Variants in ERBB4 observed in about 807,000 individuals in gnomAD.
The protein encoded by ERBB4 is receptor tyrosine-protein kinase erbB-4.
A neutral mutation model predicts 158.0 loss-of-function variants in ERBB4; 42 were observed. The observed-to-expected ratio is 0.27, with a 90% CI of 0.21 to 0.34. The LOEUF is 0.34. Among genes scored for constraint, ERBB4 ranks in the 10% least tolerant of loss-of-function variants. ERBB4 has a pLI of 1.00. For synonymous variants in ERBB4, 583 were observed against 558.7 expected, an observed-to-expected ratio of 1.04 and a Z score of -0.61; for missense variants, 1,333 against 1,624.1, an observed-to-expected ratio of 0.82 and a Z score of 3.08.
chr2:212,413,068 C>T (rs981544552), intron 1 of ERBB4, among the ~76,000 whole-genome samples: 4 of 151,356 alleles, frequency 2.6e-5, no homozygotes, highest in East Asian at 1.9e-4. Flanking sequence ...CCTAGGATCA[C>T]GCAATTCTCC....
chr2:211,969,818 T>G (rs1010537867), intron 2 of ERBB4, among the ~76,000 whole-genome samples: 34 of 152,184 alleles, frequency 2.2e-4, no homozygotes, highest in African/African-American at 7.9e-4. Flanking sequence ...GTGGTCTATT[T>G]ATTAATTTTT....
At chr2:212,068,097 T>A (rs1175726950) in intron 2 of ERBB4, among the ~76,000 whole-genome samples, 1 of 152,052 alleles carries the variant, frequency 6.6e-6, no homozygotes, top group Non-Finnish European at 1.5e-5. Flanking sequence ...TCCAAACTCT[T>A]AGTATTATTC....
chr2:211,747,390 T>C (rs751512040), intron 5 of ERBB4, among the ~76,000 whole-genome samples: 6 of 151,956 alleles, frequency 3.9e-5, no homozygotes, highest in Non-Finnish European at 8.8e-5. Flanking sequence ...ATCAAATGTC[T>C]CCTGTGGGGC....
intron 2 of ERBB4, among the ~76,000 whole-genome samples, chr2:212,042,714 T>C (rs913607416): frequency 6.6e-6 from 1 of 152,132 alleles, no homozygotes; most frequent in African/African-American, 2.4e-5. Context: ...GTTAAAGACT[T>C]ACTTTAGTTC....
chr2:212,056,068 T>C (rs563314274), intron 2 of ERBB4, among the ~76,000 whole-genome samples: 41 of 152,262 alleles, frequency 2.7e-4, no homozygotes, highest in African/African-American at 8.4e-4. Context: ...ATAACCAATG[T>C]AGAGAAGTCC....
chr2:212,186,693 G>T (rs1266996109), intron 1 of ERBB4, among the ~76,000 whole-genome samples: 1 of 152,032 alleles, frequency 6.6e-6, no homozygotes. Flanking sequence ...AATGAAACAG[G>T]GATCAGAATG....
intron 1 of ERBB4, among the ~76,000 whole-genome samples, chr2:212,191,702 CGTGTT>C (rs1559703248): frequency 7.9e-5 from 3 of 38,198 alleles, no homozygotes; most frequent in African/African-American, 2.2e-4. Context: ...ACATATAACA[CGTGTT>C]ATACATGTTA....
intron 1 of ERBB4, among the ~76,000 whole-genome samples, chr2:212,145,986 G>C (rs534045246): frequency 1.3e-5 from 2 of 152,068 alleles, no homozygotes; most frequent in Non-Finnish European, 2.9e-5. Flanking sequence ...AGGGCCCAAA[G>C]GGGATAGTCT....
chr2:211,667,387 T>A (rs1296488458), intron 14 of ERBB4, among the ~76,000 whole-genome samples: 1 of 148,906 alleles, frequency 6.7e-6, no homozygotes, highest in Admixed American at 6.8e-5. Context: ...CTGAGACTGG[T>A]GGGGCTCAAT....
intron 20 of ERBB4, among the ~76,000 whole-genome samples, chr2:211,449,100 C>T (rs997947521): frequency 6.6e-6 from 1 of 152,060 alleles, no homozygotes; most frequent in African/African-American, 2.4e-5. Context: ...GTACCTCCTA[C>T]AAGAAGCTTG....
chr2:212,144,792 G>T (rs1259648854), intron 1 of ERBB4, among the ~76,000 whole-genome samples: 2 of 152,136 alleles, frequency 1.3e-5, no homozygotes, highest in African/African-American at 2.4e-5. Flanking sequence ...GTATTACAGA[G>T]ATTTGTACAT....
At chr2:211,670,562 A>G (rs1227354670) in intron 14 of ERBB4, among the ~76,000 whole-genome samples, 1 of 152,182 alleles carries the variant, frequency 6.6e-6, no homozygotes, top group Non-Finnish European at 1.5e-5. Context: ...GGCATCATGA[A>G]GAAGAGAAAA....
At chr2:211,631,113 T>A (rs1256079683) in intron 16 of ERBB4, among the ~76,000 whole-genome samples, 1 of 152,120 alleles carries the variant, frequency 6.6e-6, no homozygotes, top group Non-Finnish European at 1.5e-5. Context: ...TTTAGTAGCA[T>A]TCCTGGCTTC....
intron 2 of ERBB4, among the ~76,000 whole-genome samples, chr2:211,961,897 A>G (rs2081188934): frequency 6.6e-6 from 1 of 152,152 alleles, no homozygotes; most frequent in Non-Finnish European, 1.5e-5. Flanking sequence ...AATACTTTAA[A>G]AGCAAGTTAT....
intron 19 of ERBB4, among the ~76,000 whole-genome samples, chr2:211,580,823 A>T (rs868183746): frequency 2.2e-5 from 1 of 45,118 alleles, no homozygotes; most frequent in Non-Finnish European, 5.3e-5. Context: ...ATATATATAT[A>T]TTATATATAT....
chr2:211,580,687 G>A (rs543248602), intron 19 of ERBB4, among the ~76,000 whole-genome samples: 240 of 148,826 alleles, frequency 1.6e-3, no homozygotes, highest in African/African-American at 5.5e-3. Flanking sequence ...ATATGAAAAA[G>A]ATACCTGCAC....
intron 1 of ERBB4, among the ~76,000 whole-genome samples, chr2:212,283,454 T>C (rs10164863): frequency 0.29 from 44,682 of 151,830 alleles, 6,968 homozygotes; most frequent in Non-Finnish European, 0.34. Flanking sequence ...TTGTTATAAT[T>C]AAAAGTTTAT....
At chr2:211,539,797 A>T (rs1851183) in intron 20 of ERBB4, among the ~76,000 whole-genome samples, 118,264 of 151,806 alleles carry the variant, frequency 0.78, 46,838 homozygotes, top group African/African-American at 0.93. Context: ...TTTTATGTTC[A>T]TTGTATCACG....
intron 1 of ERBB4, among the ~76,000 whole-genome samples, chr2:212,438,107 A>G (rs540648093): frequency 5.3e-5 from 8 of 152,052 alleles, no homozygotes; most frequent in Non-Finnish European, 1.0e-4. Context: ...GTTTGTTTCT[A>G]GACTAGTGCT....
Sources: allele counts gnomAD v4.1 joint callset (sites outside exome capture counted in the v4.1 genomes callset), GRCh38; gene constraint gnomAD v4.1.1; transcripts MANE v1.5; gene names NCBI Gene and HGNC (gene_info 2026-07-23, HGNC 2026-07-21).